QTGAL: variants seen among roughly 807,000 people sequenced by gnomAD.
QTGAL encodes the protein BGnT-like protein 1.
At chr17:83,016,369 G>A in the QTGAL span, among the ~76,000 whole-genome samples, 10 of 152,096 alleles carry the variant, frequency 6.6e-5, no homozygotes, top group South Asian at 1.2e-3. Flanking sequence ...ATCATCCAAC[G>A]AACCATGCTG....
the QTGAL span, among the ~76,000 whole-genome samples, chr17:82,953,811 C>G: frequency 0.022 from 3,421 of 152,200 alleles, 150 homozygotes; most frequent in African/African-American, 0.078. Flanking sequence ...ATGATCAAGT[C>G]AGCTTCATCC....
chr17:83,035,708 T>C, the QTGAL span, among the ~76,000 whole-genome samples: 3 of 152,186 alleles, frequency 2.0e-5, no homozygotes, highest in East Asian at 5.8e-4. Context: ...AGCTAAGTCC[T>C]GGGAATATTT....
chr17:82,972,478 C>A, the QTGAL span, among the ~76,000 whole-genome samples: 27 of 113,480 alleles, frequency 2.4e-4, no homozygotes, highest in African/African-American at 7.4e-4. Context: ...ACCACAGGGG[C>A]TAGAAGGACC....
At chr17:82,985,668 C>T in the QTGAL span, among the ~76,000 whole-genome samples, 10 of 152,136 alleles carry the variant, frequency 6.6e-5, no homozygotes, top group Non-Finnish European at 1.2e-4. Flanking sequence ...GGCGACCCCA[C>T]GCCTCCCACT....
At chr17:83,005,604 G>C in the QTGAL span, 1 of 702,838 alleles carries the variant, frequency 1.4e-6, no homozygotes, top group South Asian at 1.5e-5. This position sits in a 1 kb window ranked among gnomAD's most constrained non-coding sequence, Gnocchi z 5.6. Context: ...GTGGATGTGA[G>C]GAAACCGCTG....
the QTGAL span, among the ~76,000 whole-genome samples, chr17:83,017,959 GTGAACAC>G: frequency 8.0e-6 from 1 of 124,638 alleles, no homozygotes; most frequent in Non-Finnish European, 1.7e-5. Context: ...CACGTGCTCC[GTGAACAC>G]CGTGCGCCTG....
At chr17:82,992,971 C>G in the QTGAL span, among the ~76,000 whole-genome samples, 1 of 151,920 alleles carries the variant, frequency 6.6e-6, no homozygotes, top group East Asian at 1.9e-4. Context: ...ACAATGAATA[C>G]ACAAACCATA....
At chr17:82,957,594 G>T in the QTGAL span, 1 of 1,434,918 alleles carries the variant, frequency 7.0e-7, no homozygotes, top group Non-Finnish European at 9.3e-7. Flanking sequence ...CACGTTGCCA[G>T]TGGAGTGGAC....
At chr17:82,994,444 C>G in the QTGAL span, among the ~76,000 whole-genome samples, 1 of 151,598 alleles carries the variant, frequency 6.6e-6, no homozygotes, top group South Asian at 2.1e-4. Flanking sequence ...TCTAGAAAAT[C>G]TAGGAAAAAA....
chr17:83,005,620 C>A, the QTGAL span: 1 of 702,890 alleles, frequency 1.4e-6, no homozygotes, highest in Non-Finnish European at 2.6e-6. The surrounding 1 kb of genome is among the most constrained non-coding windows in gnomAD (Gnocchi z 5.6). Context: ...CGCTGCCTGT[C>A]CGCAGGCCGC....
chr17:83,024,789 G>T, the QTGAL span, among the ~76,000 whole-genome samples: 1 of 152,256 alleles, frequency 6.6e-6, no homozygotes. Context: ...ACAGGCAGAC[G>T]CTGTGATGCT....
At chr17:82,972,530 C>T in the QTGAL span, among the ~76,000 whole-genome samples, 1 of 117,386 alleles carries the variant, frequency 8.5e-6, no homozygotes, top group African/African-American at 3.7e-5. Flanking sequence ...GGACCTGGTG[C>T]CGACCACACC....
At chr17:82,969,572 G>C in the QTGAL span, among the ~76,000 whole-genome samples, 1 of 152,216 alleles carries the variant, frequency 6.6e-6, no homozygotes, top group East Asian at 1.9e-4. Context: ...GAGAGGCTGA[G>C]GTGGGAATTC....
the QTGAL span, among the ~76,000 whole-genome samples, chr17:83,028,252 C>A: frequency 1.3e-5 from 2 of 150,642 alleles, no homozygotes; most frequent in Non-Finnish European, 3.0e-5. Context: ...AGGCCGGGCG[C>A]GGTGGCTCAC....
the QTGAL span, among the ~76,000 whole-genome samples, chr17:83,025,618 C>T: frequency 5.7e-4 from 56 of 97,956 alleles, no homozygotes; most frequent in African/African-American, 1.5e-3. Context: ...CACACGGACA[C>T]CGCGGAGAGT....
the QTGAL span, among the ~76,000 whole-genome samples, chr17:83,012,781 C>T: frequency 1.2e-4 from 19 of 152,134 alleles, no homozygotes; most frequent in Admixed American, 2.6e-4. Context: ...GGACATTTTC[C>T]CCCATTTTCC....
chr17:83,032,628 C>G, the QTGAL span, among the ~76,000 whole-genome samples: 2 of 152,204 alleles, frequency 1.3e-5, no homozygotes, highest in Admixed American at 6.5e-5. Context: ...TTGAGCTGTC[C>G]TTGGTGGATG....
the QTGAL span, chr17:82,957,255 G>A: frequency 6.2e-7 from 1 of 1,614,168 alleles, no homozygotes; most frequent in Non-Finnish European, 8.5e-7. Context: ...ACCACCTGGG[G>A]ACAAGCACAG....
At chr17:83,050,858 G>A in the QTGAL span, among the ~76,000 whole-genome samples, 2 of 151,938 alleles carry the variant, frequency 1.3e-5, no homozygotes, top group African/African-American at 2.4e-5. Flanking sequence ...TGCACGGCAG[G>A]TGCACGGGCA....
Sources: gnomAD v4.1 joint callset for allele counts (sites outside exome capture counted in the v4.1 genomes callset) on GRCh38, gnomAD v4.1.1 for gene constraint, Gnocchi (gnomAD v3.1) non-coding constraint, MANE v1.5 for transcripts, NCBI Gene and HGNC (gene_info 2026-07-23, HGNC 2026-07-21) for gene names.